SYNE2: variants seen among roughly 807,000 people sequenced by gnomAD.
The protein encoded by SYNE2 is nesprin-2.
SYNE2 carries 431 observed loss-of-function variants against 856.3 expected under a neutral mutation model. The observed-to-expected ratio is 0.50, with a 90% CI of 0.47 to 0.55. The LOEUF (loss-of-function observed/expected upper bound fraction) is 0.55, where lower values mean the gene tolerates loss of function less well. SYNE2 is among the 20% of genes least tolerant of loss of function. The pLI is 0.00. For synonymous variants in SYNE2, 2,923 were observed against 2,872.3 expected (o/e 1.02, Z -0.56); for missense variants, 8,129 against 8,023.2 (o/e 1.01, Z -0.50).
At chr14:63,919,958 A>G (rs1243993110) in intron 2 of SYNE2, among the ~76,000 whole-genome samples, 9 of 128,810 alleles carry the variant, frequency 7.0e-5, no homozygotes, top group Non-Finnish European at 1.3e-4. Context: ...TATCAGGCAC[A>G]TGATAAAAGG....
chr14:63,817,982 A>C (rs981644138), intron 1 of SYNE2, among the ~76,000 whole-genome samples: 12 of 143,250 alleles, frequency 8.4e-5, no homozygotes, highest in Middle Eastern at 3.8e-3. Context: ...CCATGATAGC[A>C]CCACTGCACT....
intron 45 of SYNE2, among the ~76,000 whole-genome samples, chr14:64,046,536 A>G (rs2097187427): frequency 6.6e-6 from 1 of 152,094 alleles, no homozygotes. Context: ...TATTTTTTGT[A>G]CAGATGGGGT....
chr14:63,841,004 A>T (rs1890049334), intron 1 of SYNE2, among the ~76,000 whole-genome samples: 1 of 151,970 alleles, frequency 6.6e-6, no homozygotes, highest in Non-Finnish European at 1.5e-5. Flanking sequence ...ACAGGAGCAA[A>T]ACTCTGTCTC....
chr14:63,938,247 G>A (rs2095857067), intron 2 of SYNE2, among the ~76,000 whole-genome samples: 1 of 152,046 alleles, frequency 6.6e-6, no homozygotes, highest in African/African-American at 2.4e-5. Context: ...CTTGAGCCTA[G>A]GAGTTTGAGA....
At chr14:64,114,994 G>A (rs945009991) in intron 66 of SYNE2, among the ~76,000 whole-genome samples, 2 of 152,266 alleles carry the variant, frequency 1.3e-5, no homozygotes, top group Admixed American at 1.3e-4. Context: ...GAGGCCCAGG[G>A]GAGCCTGTGA....
At chr14:64,093,980 A>G (rs184155139) in intron 61 of SYNE2, among the ~76,000 whole-genome samples, 3 of 152,322 alleles carry the variant, frequency 2.0e-5, no homozygotes, top group Admixed American at 2.0e-4. Flanking sequence ...ATTGTAATGA[A>G]GAATTCCATA....
In SYNE2 at chr14:64,053,479, A is replaced by G. The variant is rs1291232997; in HGVS notation, c.9566A>G (p.Lys3189Arg). 6.2e-7 allele frequency: 1 copy of G among 1,613,976 alleles called. No individual in the cohort carries two copies. Among genetic ancestry groups the G allele is most frequent in the East Asian group, 2.2e-5 (1 of 44,902 alleles). ...NLEIKHIQNE[K>R]DNCEAFQEQV... ...GAAATTAAACATATTCAAAATGAAA[A>G]GGACAATTGTGAAGCATTTCAGGAG... Residue 3189 changes from lysine to arginine, a missense_variant, in exon 48 of 116, where the codon AAG becomes AGG. By Grantham distance (26) the Lys-to-Arg change is conservative (BLOSUM62 2). Around this residue, in one of 3 missense-constraint regions of SYNE2, gnomAD observed 5,410 missense variants for 5,284.8 expected, o/e 1.02. Coordinates refer to ENST00000555002, the MANE Select transcript of SYNE2 (RefSeq NM_182914.3).
At chr14:64,058,471 C>T (rs1234053609) in intron 49 of SYNE2, among the ~76,000 whole-genome samples, 1 of 152,088 alleles carries the variant, frequency 6.6e-6, no homozygotes, top group Non-Finnish European at 1.5e-5. Context: ...CCTCTACCTC[C>T]TCTTTAAGGC....
At chr14:63,832,755 G>A (rs1350066785) in intron 1 of SYNE2, among the ~76,000 whole-genome samples, 1 of 150,924 alleles carries the variant, frequency 6.6e-6, no homozygotes, top group African/African-American at 2.4e-5. Context: ...CAGACCGGGT[G>A]CCATGGCTCA....
chr14:63,818,636 T>C (rs778481615), intron 1 of SYNE2, among the ~76,000 whole-genome samples: 2 of 151,802 alleles, frequency 1.3e-5, no homozygotes, highest in Non-Finnish European at 2.9e-5. Flanking sequence ...GGTAAAAGAT[T>C]AAAGGTTTTT....
intron 64 of SYNE2, 61 bp downstream of exon 64, chr14:64,102,103 C>G (rs1431622660): frequency 1.7e-6 from 2 of 1,201,630 alleles, no homozygotes; most frequent in Non-Finnish European, 2.5e-6. Context: ...GAGCAGGGAT[C>G]TCTTTCTGCA....
At chr14:63,856,949 T>C (rs1247798785) in intron 1 of SYNE2, among the ~76,000 whole-genome samples, 1 of 152,134 alleles carries the variant, frequency 6.6e-6, no homozygotes, top group African/African-American at 2.4e-5. Context: ...GTGAATTTTT[T>C]TGTAGAGAAG....
intron 31 of SYNE2, 140 bp from the exon 32 acceptor site, chr14:64,009,826 T>C (rs2096829679): frequency 1.8e-5 from 13 of 707,434 alleles, no homozygotes; most frequent in East Asian, 5.5e-5. Context: ...TTAGGTTAAA[T>C]TGGTAAAAAG....
chr14:63,975,855 A>T (rs948445515), intron 11 of SYNE2, among the ~76,000 whole-genome samples: 3 of 152,336 alleles, frequency 2.0e-5, no homozygotes, highest in African/African-American at 7.2e-5. Flanking sequence ...TAGGTTGTTC[A>T]TAAATGTTTG....
intron 11 of SYNE2, among the ~76,000 whole-genome samples, chr14:63,973,654 GGTT>G (rs1226049493): frequency 7.2e-5 from 9 of 125,638 alleles, no homozygotes; most frequent in Admixed American, 1.6e-4. Context: ...AAAAAAAAAA[GGTT>G]GTAGAATTAT....
chr14:64,132,361 G>T lies in SYNE2; in HGVS notation c.14437G>T (p.Ala4813Ser). ...SLLQNRETFW[A>S]EQVTEVKILE... Reference sequence around the variant, plus strand: ...ATTGCAAAACAGAGAGACATTTTGGGCAGAACAAGTAACAGAAGTTAAAAT... The same window carrying T: ...ATTGCAAAACAGAGAGACATTTTGGTCAGAACAAGTAACAGAAGTTAAAAT... The change falls in exon 77 of 116, where the codon GCA (alanine) becomes TCA (serine). Residue 4813 changes from alanine to serine, a missense_variant. Physicochemically the swap from Ala to Ser is moderately conservative, Grantham distance 99. This residue lies in a region of SYNE2 where 5,410 missense variants were observed against 5,284.8 expected (regional missense o/e 1.02). Coordinates refer to ENST00000555002, the MANE Select transcript of SYNE2 (RefSeq NM_182914.3). 6.2e-7 allele frequency: 1 copy of T among 1,614,080 alleles called. No individual in the cohort carries two copies. Among genetic ancestry groups the T allele is most frequent in the Non-Finnish European group, 8.5e-7 (1 of 1,180,008 alleles).
rs544724463 is a variant in SYNE2 at position 63,890,468 on chromosome 14, G to A, written c.-51-18630G>A. Among the ~76,000 whole-genome samples the A allele has an allele frequency of 3.3e-5, 5 of 152,240 alleles. No individual in the cohort carries two copies. In the South Asian group the frequency reaches 1.0e-3, roughly 32 times the overall value. On this transcript the variant is annotated intron_variant, in intron 1 of 115. Transcript: ENST00000555002. Reference sequence around the variant, plus strand: ...GGGGAAGTTTGTTGTAATGTTTTTAGGTTTTATTTCTGGCTTTAGGGAAAT... The same window carrying A: ...GGGGAAGTTTGTTGTAATGTTTTTAAGTTTTATTTCTGGCTTTAGGGAAAT...
intron 1 of SYNE2, among the ~76,000 whole-genome samples, chr14:63,813,040 A>C (rs916264517): frequency 6.6e-6 from 1 of 152,200 alleles, no homozygotes; most frequent in Non-Finnish European, 1.5e-5. Flanking sequence ...AGAGGAATTC[A>C]CTCAAATATA....
chr14:63,885,843 A>C (rs1379518072), intron 1 of SYNE2, among the ~76,000 whole-genome samples: 2 of 152,230 alleles, frequency 1.3e-5, no homozygotes, highest in Non-Finnish European at 2.9e-5. Flanking sequence ...GCTGTGTGCC[A>C]GGTTTTCGGT....
Sources: allele counts gnomAD v4.1 joint callset (sites outside exome capture counted in the v4.1 genomes callset), GRCh38; gene constraint gnomAD v4.1.1; regional missense constraint gnomAD v4.1.1; transcripts MANE v1.5; gene names NCBI Gene and HGNC (gene_info 2026-07-23, HGNC 2026-07-21).